The following CDC42BPB variants were observed in gnomAD, a reference collection of about 807,000 sequenced individuals.
CDC42BPB encodes the protein CDC42 binding protein kinase beta.
In CDC42BPB, 37 loss-of-function variants were observed where a neutral mutation model predicts 214.9. That is an observed-to-expected ratio of 0.17 (90% confidence interval 0.13 to 0.23). CDC42BPB has a LOEUF of 0.23. CDC42BPB is among the 10% of genes least tolerant of loss of function. The probability of loss-of-function intolerance (pLI) is 1.00; values close to 1 mark genes in which losing one functional copy is unlikely to be tolerated. For synonymous variants in CDC42BPB, 931 were observed against 884.0 expected (o/e 1.05, Z -0.94); for missense variants, 1,694 against 2,227.0 (o/e 0.76, Z 4.82).
intron 6 of CDC42BPB, among the ~76,000 whole-genome samples, chr14:102,984,962 C>A (rs537887379): frequency 6.6e-6 from 1 of 152,250 alleles, no homozygotes; most frequent in South Asian, 2.1e-4. Context: ...GGTGACTCCA[C>A]GATGAACAAC....
At chr14:103,009,024 C>T (rs1260752933) in intron 2 of CDC42BPB, among the ~76,000 whole-genome samples, 1 of 152,256 alleles carries the variant, frequency 6.6e-6, no homozygotes, top group Non-Finnish European at 1.5e-5. Context: ...TCTGCCATCA[C>T]TACCAACACC....
rs1247578419 is a variant in CDC42BPB at position 103,001,537 on chromosome 14, G to C, written c.448-1824C>G. On this transcript the variant is annotated intron_variant, in intron 4 of 36. Coordinates refer to ENST00000361246, the MANE Select transcript of CDC42BPB (RefSeq NM_006035.4). The surrounding 1 kb of genome is among the most constrained non-coding windows in gnomAD (Gnocchi z 5.8). ...CGGCACCCTGGAGCCTGCCAAAAGG[G>C]GAGGGCCGGCCACAGTGGGGGCTGC... 6.6e-6 allele frequency among the ~76,000 whole-genome samples: 1 copy of C among 152,202 alleles called. No individual in the cohort carries two copies. Among genetic ancestry groups the C allele is most frequent in the Non-Finnish European group, 1.5e-5 (1 of 68,018 alleles).
At chr14:102,967,473 C>A in intron 16 of CDC42BPB, 1 of 468,108 alleles carries the variant, frequency 2.1e-6, no homozygotes, top group Non-Finnish European at 2.8e-6. Context: ...AAAATTAAAA[C>A]AGTCACGTGT....
In CDC42BPB at chr14:103,008,501, T is replaced by C; in HGVS notation, c.322A>G (p.Asn108Asp). 5 of 1,612,242 alleles carry C rather than the reference T, an allele frequency of 3.1e-6. No homozygotes were observed. The highest frequency in any genetic ancestry group is 4.2e-6 in the Non-Finnish European group (5 of 1,178,196). Residue 108 changes from asparagine (N) to aspartate (D), a missense_variant, in exon 3 of 37, where the codon AAC (asparagine) becomes GAC (aspartate). By Grantham distance (23) the Asn-to-Asp change is conservative. Around this residue, in one of 7 missense-constraint regions of CDC42BPB, gnomAD observed 225 missense variants for 459.3 expected, o/e 0.49. Coordinates refer to ENST00000361246, the MANE Select transcript of CDC42BPB (RefSeq NM_006035.4). ...TERIYAMKIL[N>D]KWEMLKRAET... Reference sequence around the variant, plus strand: ...GCTCTTTTCAGCATCTCCCACTTGTTGAGGATTTTCATTGCATAAATTCGT... The same window carrying C: ...GCTCTTTTCAGCATCTCCCACTTGTCGAGGATTTTCATTGCATAAATTCGT...
At chr14:103,056,881 TG>T in intron 1 of CDC42BPB, 117 bp downstream of exon 1, 1 of 543,284 alleles carries the variant, frequency 1.8e-6, no homozygotes, top group Non-Finnish European at 2.6e-6. Context: ...GCCCACGAGC[TG>T]GGTGGGCAGG....
At chr14:102,993,899 C>A (rs1894608057) in intron 5 of CDC42BPB, among the ~76,000 whole-genome samples, 1 of 152,126 alleles carries the variant, frequency 6.6e-6, no homozygotes, top group African/African-American at 2.4e-5. Context: ...TGGTTCTTCT[C>A]CCCAAAAATC....
At chr14:102,949,928 C>T (rs761356451) in intron 25 of CDC42BPB, 24 bp from the exon 26 acceptor site, 1 of 1,610,800 alleles carries the variant, frequency 6.2e-7, no homozygotes, top group African/African-American at 1.3e-5. Context: ...CAAACAGTGG[C>T]CACGTTCCAC....
At chr14:102,997,155 C>T (rs1253764171) in intron 5 of CDC42BPB, among the ~76,000 whole-genome samples, 1 of 152,090 alleles carries the variant, frequency 6.6e-6, no homozygotes, top group African/African-American at 2.4e-5. Flanking sequence ...GGAGGGGGCC[C>T]GAGCACAGGC....
intron 28 of CDC42BPB, 74 bp from the exon 29 acceptor site, chr14:102,945,798 G>T: frequency 7.7e-7 from 1 of 1,306,638 alleles, no homozygotes; most frequent in Non-Finnish European, 1.1e-6. Context: ...ATGCGTGGGT[G>T]GGCTCATTCA....
At chr14:103,037,453 C>T (rs1887727606) in intron 1 of CDC42BPB, among the ~76,000 whole-genome samples, 1 of 152,054 alleles carries the variant, frequency 6.6e-6, no homozygotes, top group Non-Finnish European at 1.5e-5. Flanking sequence ...ACCACCATGC[C>T]CAGCTAATTT....
At chr14:102,941,305 G>A in intron 30 of CDC42BPB, 1 of 985,454 alleles carries the variant, frequency 1.0e-6, no homozygotes, top group African/African-American at 1.7e-5. Flanking sequence ...TCCTGCATCA[G>A]GACACACCTC....
At chr14:102,950,260 C>T (rs1160275308) in intron 25 of CDC42BPB, among the ~76,000 whole-genome samples, 3 of 152,226 alleles carry the variant, frequency 2.0e-5, no homozygotes, top group South Asian at 2.1e-4. Flanking sequence ...TGAGCGTCTG[C>T]GTGGAGGCCT....
chr14:103,003,864 T>G, intron 4 of CDC42BPB, 64 bp downstream of exon 4: 1 of 1,318,014 alleles, frequency 7.6e-7, no homozygotes. Flanking sequence ...GAATTTTTAG[T>G]GACAGCATAA....
In CDC42BPB at chr14:102,999,619, A is replaced by G; in HGVS notation, c.542T>C (p.Ile181Thr). Reference sequence around the variant, plus strand: ...GTCAATGGCCAGCACCATTTCACCAATGTAGAACCTCGCCATATCTTCCGG... The same window carrying G: ...GTCAATGGCCAGCACCATTTCACCAGTGTAGAACCTCGCCATATCTTCCGG... The part of the protein sequence containing the change: ...KLPEDMARFY[I>T]GEMVLAIDSI... Residue 181 changes from isoleucine to threonine, a missense_variant, in exon 5 of 37, where the codon ATT (isoleucine) becomes ACT (threonine). Ile to Thr is a moderately conservative substitution (Grantham distance 89). Coordinates refer to ENST00000361246, the MANE Select transcript of CDC42BPB (RefSeq NM_006035.4). The G allele has an allele frequency of 1.9e-6, 3 of 1,614,188 alleles. No homozygotes were observed. The highest frequency in any genetic ancestry group is 2.5e-6 in the Non-Finnish European group (3 of 1,180,028).
At chr14:102,980,081 T>G (rs183921111) in intron 8 of CDC42BPB, among the ~76,000 whole-genome samples, 4 of 152,228 alleles carry the variant, frequency 2.6e-5, no homozygotes, top group Non-Finnish European at 5.9e-5. Flanking sequence ...GCCGCCACAC[T>G]GCCTATGGGA....
chr14:103,040,675 C>T (rs1887938624), intron 1 of CDC42BPB, among the ~76,000 whole-genome samples: 1 of 152,108 alleles, frequency 6.6e-6, no homozygotes, highest in Admixed American at 6.5e-5. Flanking sequence ...CCAGGCTGGT[C>T]TTGAACTCCT....
chr14:103,055,852 T>A (rs1343494398), intron 1 of CDC42BPB, among the ~76,000 whole-genome samples: 1 of 152,224 alleles, frequency 6.6e-6, no homozygotes, highest in African/African-American at 2.4e-5. Context: ...AATATCAGCT[T>A]TATCAGCCCC....
intron 1 of CDC42BPB, among the ~76,000 whole-genome samples, chr14:103,040,762 T>C (rs976152468): frequency 1.2e-4 from 18 of 152,298 alleles, no homozygotes; most frequent in African/African-American, 4.3e-4. Context: ...CCATTCTTTA[T>C]TTGAATTTTA....
At chr14:103,032,535 CAA>C (rs570009408) in intron 1 of CDC42BPB, among the ~76,000 whole-genome samples, 2,003 of 45,052 alleles carry the variant, frequency 0.044, 29 homozygotes, top group Non-Finnish European at 0.07. Context: ...AAATAAACTG[CAA>C]AAAAAAAAAA....
Sources: gnomAD v4.1 joint callset for allele counts (sites outside exome capture counted in the v4.1 genomes callset) on GRCh38, gnomAD v4.1.1 for gene constraint, gnomAD v4.1.1 regional missense constraint, Gnocchi (gnomAD v3.1) non-coding constraint, MANE v1.5 for transcripts, NCBI Gene and HGNC (gene_info 2026-07-23, HGNC 2026-07-21) for gene names.